Variants in CDH22 observed in about 807,000 individuals in gnomAD.
The protein encoded by CDH22 is cadherin 22.
Under a neutral mutation model 58.4 loss-of-function variants are expected in CDH22, and 30 were observed. That is an observed-to-expected ratio of 0.51 (90% confidence interval 0.38 to 0.70). The LOEUF (loss-of-function observed/expected upper bound fraction) is 0.70. Among genes scored for constraint, CDH22 ranks in the 30% least tolerant of loss-of-function variants. The pLI is 0.00. For missense variants in CDH22, 1,014 were observed against 1,233.9 expected (o/e 0.82, Z 2.67); for synonymous variants, 513 against 558.2 (o/e 0.92, Z 1.14).
chr20:46,204,117 G>A (rs934150322), intron 7 of CDH22, among the ~76,000 whole-genome samples: 5 of 152,040 alleles, frequency 3.3e-5, no homozygotes, highest in South Asian at 2.1e-4. Flanking sequence ...ATAGTAGGCC[G>A]GGCAGGGTGG....
chr20:46,301,640 G>A (rs1224669335), intron 1 of CDH22, among the ~76,000 whole-genome samples: 1 of 151,862 alleles, frequency 6.6e-6, no homozygotes, highest in Non-Finnish European at 1.5e-5. Flanking sequence ...GTGAAACTCT[G>A]TCTCTACTAA....
intron 5 of CDH22, among the ~76,000 whole-genome samples, chr20:46,213,957 T>G (rs901145946): frequency 6.6e-6 from 1 of 152,132 alleles, no homozygotes; most frequent in African/African-American, 2.4e-5. Context: ...AGGAGAGAGA[T>G]AAAGCAGGGA....
At position 46,213,171 on chromosome 20, in the gene CDH22, T is replaced by G. The variant is rs772033097; in HGVS notation, c.856A>C (p.Ile286Leu). Reference sequence around the variant, plus strand: ...GTTCCAATGGGGGCTGACTCCTGGATGCTGAACTGGTACATCTCTGTGGGG... The same window carrying G: ...GTTCCAATGGGGGCTGACTCCTGGAGGCTGAACTGGTACATCTCTGTGGGG... ...RFPQKMYQFS[I>L]QESAPIGTAV... is the part of the protein sequence containing the mutation. The change falls in exon 6 of 12, where the codon ATC becomes CTC. Residue 286 changes from isoleucine to leucine, a missense_variant. By Grantham distance (5) the Ile-to-Leu change is conservative (BLOSUM62 2). Transcript: ENST00000537909. 1.9e-6 allele frequency: 3 copies of G among 1,614,154 alleles called. No individual in the cohort carries two copies. Among genetic ancestry groups the G allele is most frequent in the Non-Finnish European group, 2.5e-6 (3 of 1,180,006 alleles).
In CDH22 at chr20:46,251,295, C is replaced by A; in HGVS notation, c.-1G>T. On this transcript the variant is annotated 5_prime_UTR_variant, in exon 2 of 12. Transcript: ENST00000537909. This position sits in a 1 kb window ranked among gnomAD's most constrained non-coding sequence, Gnocchi z 6.7. ...CCCTACCTTCGGGCCTCGGCCTCATCCTTGGCCTGCGCGGGGCTGGGGCCC... is the reference window on the plus strand; with the variant it reads ...CCCTACCTTCGGGCCTCGGCCTCATACTTGGCCTGCGCGGGGCTGGGGCCC... 6.9e-7 allele frequency: 1 copy of A among 1,449,816 alleles called. No homozygotes were observed. The highest frequency in any genetic ancestry group is 1.4e-5 in the South Asian group (1 of 73,522). The allele number at this position is 1,449,816 out of a possible 1,614,324, so 89.8% of individuals were successfully genotyped here.
intron 7 of CDH22, chr20:46,209,971 G>C: frequency 3.8e-6 from 1 of 262,558 alleles, no homozygotes; most frequent in African/African-American, 2.2e-5. Context: ...GGATGGCCCA[G>C]TCGAGAGATC....
chr20:46,251,268 C>G lies in CDH22; in HGVS notation c.27G>C (p.Gly9=), dbSNP rs1031346600. 1 of 1,462,778 alleles carries G rather than the reference C, an allele frequency of 6.8e-7. No homozygotes were observed. Among genetic ancestry groups the G allele is most frequent in the Non-Finnish European group, 9.0e-7 (1 of 1,113,414 alleles). The allele number at this position is 1,462,778 out of a possible 1,614,324, so 90.6% of individuals were successfully genotyped here. Residue 9 remains glycine, a synonymous_variant, in exon 2 of 12, where the codon GGG becomes GGC. Transcript: ENST00000537909. This position sits in a 1 kb window ranked among gnomAD's most constrained non-coding sequence, Gnocchi z 6.7. MRPRPEGR[G]LRAGVALSPA... The stretch of plus-strand genomic sequence containing the variant: ...GGGACAGCGCGACTCCCGCCCGGAG[C>G]CCCCTACCTTCGGGCCTCGGCCTCA...
At chr20:46,200,747 G>C (rs1177663278) in intron 7 of CDH22, among the ~76,000 whole-genome samples, 1 of 152,138 alleles carries the variant, frequency 6.6e-6, no homozygotes, top group Admixed American at 6.5e-5. Flanking sequence ...CCGGGAAGTG[G>C]GGAGAATTCG....
intron 1 of CDH22, among the ~76,000 whole-genome samples, chr20:46,283,375 C>G (rs538168736): frequency 3.3e-5 from 5 of 152,290 alleles, no homozygotes; most frequent in Admixed American, 1.3e-4. Context: ...CCTAACATCT[C>G]TGGTCTTCCA....
At chr20:46,240,911 C>T in intron 3 of CDH22, 52 bp downstream of exon 3, 1 of 1,508,230 alleles carries the variant, frequency 6.6e-7, no homozygotes, top group Non-Finnish European at 9.1e-7. Flanking sequence ...CAGCAGGCTC[C>T]ACTTGGGGAT....
chr20:46,239,365 G>GGCAT, intron 3 of CDH22, among the ~76,000 whole-genome samples: 1 of 152,268 alleles, frequency 6.6e-6, no homozygotes, highest in East Asian at 1.9e-4. Context: ...ATGTACATCA[G>GGCAT]GCATGCATGC....
chr20:46,177,995 G>A lies in CDH22; in HGVS notation c.1866C>T (p.Leu622=). 6.2e-7 allele frequency: 1 copy of A among 1,614,102 alleles called. No homozygotes were observed. Among genetic ancestry groups the A allele is most frequent in the Non-Finnish European group, 8.5e-7 (1 of 1,180,012 alleles). ...NTTAFVMAAS[L]SPGALIALLV... ...AGAGGGCGATGAGGGCGCCGGGGCT[G>A]AGGGAGGCGGCCATGACAAAGGCCG... is the stretch of plus-strand genomic sequence containing the variant. The change falls in exon 11 of 12, where the codon CTC becomes CTT. Residue 622 remains leucine, a synonymous_variant. Coordinates refer to ENST00000537909, the MANE Select transcript of CDH22 (RefSeq NM_021248.3).
At chr20:46,278,061 AAGG>A (rs893910767) in intron 1 of CDH22, among the ~76,000 whole-genome samples, 13 of 151,654 alleles carry the variant, frequency 8.6e-5, no homozygotes, top group East Asian at 3.9e-4. Flanking sequence ...GACAGGTGAC[AAGG>A]AGGAGGAGGA....
intron 10 of CDH22, among the ~76,000 whole-genome samples, chr20:46,185,444 C>A (rs2085818470): frequency 6.6e-6 from 1 of 152,094 alleles, no homozygotes; most frequent in South Asian, 2.1e-4. Context: ...TTGAATCCTA[C>A]CCACACCACT....
Position 46,186,881 on chromosome 20 carries a change from G to A in CDH22, c.1490C>T (p.Pro497Leu), listed in dbSNP as rs1193521792. 1 of 1,612,094 alleles carries A rather than the reference G, an allele frequency of 6.2e-7. No homozygotes were observed. The highest frequency in any genetic ancestry group is 8.5e-7 in the Non-Finnish European group (1 of 1,179,116). ...IRILDVNDNP[P>L]ELATPYEAAV... ...TGCCTCGTAGGGTGTGGCCAGTTCT[G>A]GGGGATTGTCGTTCACATCCAGGAT... The change falls in exon 9 of 12, where the codon CCA (proline) becomes CTA (leucine). Residue 497 changes from proline (P) to leucine (L), a missense_variant. Physicochemically the swap from Pro to Leu is moderately conservative, Grantham distance 98. Around this residue, in one of 2 missense-constraint regions of CDH22, gnomAD observed 806 missense variants for 1,038.7 expected, o/e 0.78. Coordinates refer to ENST00000537909, the MANE Select transcript of CDH22 (RefSeq NM_021248.3).
chr20:46,275,666 T>A (rs888335736), intron 1 of CDH22, among the ~76,000 whole-genome samples: 1 of 152,068 alleles, frequency 6.6e-6, no homozygotes, highest in Admixed American at 6.5e-5. Context: ...GTTGAATTAA[T>A]AAGTGATTCA....
At chr20:46,257,487 G>C (rs1301424068) in intron 1 of CDH22, among the ~76,000 whole-genome samples, 2 of 152,124 alleles carry the variant, frequency 1.3e-5, no homozygotes, top group Non-Finnish European at 2.9e-5. Flanking sequence ...CAGAAATGGG[G>C]TTCAAGGGAA....
At chr20:46,260,060 C>G (rs1278597240) in intron 1 of CDH22, among the ~76,000 whole-genome samples, 3 of 152,152 alleles carry the variant, frequency 2.0e-5, no homozygotes, top group Non-Finnish European at 4.4e-5. Context: ...GACTCCTCTC[C>G]CTACCAGTAA....
intron 4 of CDH22, among the ~76,000 whole-genome samples, chr20:46,225,797 T>A (rs1041687003): frequency 6.6e-6 from 1 of 152,184 alleles, no homozygotes; most frequent in Non-Finnish European, 1.5e-5. Flanking sequence ...TTTCTTTTTT[T>A]TTTCTTTTTA....
intron 1 of CDH22, among the ~76,000 whole-genome samples, chr20:46,299,879 C>A (rs1484118190): frequency 6.6e-6 from 1 of 152,156 alleles, no homozygotes; most frequent in African/African-American, 2.4e-5. Flanking sequence ...ACAGTAGGGT[C>A]ATAAATAGCG....
Sources: gnomAD v4.1 joint callset for allele counts (sites outside exome capture counted in the v4.1 genomes callset) on GRCh38, gnomAD v4.1.1 for gene constraint, gnomAD v4.1.1 regional missense constraint, Gnocchi (gnomAD v3.1) non-coding constraint, MANE v1.5 for transcripts, NCBI Gene and HGNC (gene_info 2026-07-23, HGNC 2026-07-21) for gene names.